Variants in MSL1 observed in about 807,000 individuals in gnomAD.
MSL1 encodes the protein male-specific lethal 1 homolog.
A neutral mutation model predicts 64.6 loss-of-function variants in MSL1; 21 were observed. The observed-to-expected ratio is 0.33, with a 90% CI of 0.23 to 0.47. MSL1 has a LOEUF of 0.47. Among genes scored for constraint, MSL1 ranks in the 20% least tolerant of loss-of-function variants. MSL1 has a pLI of 1.00. For missense variants in MSL1, 664 were observed against 793.2 expected (o/e 0.84, Z 1.96); for synonymous variants, 339 against 329.6 (o/e 1.03, Z -0.31).
At chr17:40,133,329 A>G in intron 6 of MSL1, 1 of 757,838 alleles carries the variant, frequency 1.3e-6, no homozygotes, top group Non-Finnish European at 2.1e-6. Context: ...CCTCAATTCT[A>G]CTTTCTGTGG....
intron 5 of MSL1, among the ~76,000 whole-genome samples, 174 bp downstream of exon 5, chr17:40,132,272 G>C (rs1988451788): frequency 6.6e-6 from 1 of 152,184 alleles, no homozygotes; most frequent in African/African-American, 2.4e-5. Flanking sequence ...AACAGGTCTA[G>C]AGTAGTTAAG....
At position 40,131,592 on chromosome 17, in the gene MSL1, G is replaced by A; in HGVS notation, c.1423+8G>A. 1.2e-6 allele frequency: 2 copies of A among 1,613,508 alleles called. No homozygotes were observed. The highest frequency in any genetic ancestry group is 1.7e-5 in the Admixed American group (1 of 60,012). On this transcript the variant is annotated splice_region_variant and intron_variant, in intron 4 of 8. Transcript: ENST00000398532. The surrounding 1 kb of genome is among the most constrained non-coding windows in gnomAD (Gnocchi z 4.5). ...AAACTTCAGTCTTGGCTGGTGAGTAGAATAGGAATTGTGCTGGCTGGGCCT... is the reference window on the plus strand; with the variant it reads ...AAACTTCAGTCTTGGCTGGTGAGTAAAATAGGAATTGTGCTGGCTGGGCCT...
intron 1 of MSL1, 113 bp from the exon 2 acceptor site, chr17:40,126,070 G>A: frequency 2.3e-6 from 2 of 859,584 alleles, no homozygotes; most frequent in Non-Finnish European, 3.7e-6. Flanking sequence ...AAGTTGAGTT[G>A]ATGTGGTCCA....
chr17:40,130,048 T>C (rs1988408958), intron 3 of MSL1: 1 of 153,934 alleles, frequency 6.5e-6, no homozygotes, highest in Admixed American at 6.5e-5. Flanking sequence ...CAGGGGCCAA[T>C]GGTAATTTTT....
chr17:40,128,532 G>A (rs1271611365), intron 2 of MSL1, among the ~76,000 whole-genome samples: 2 of 151,044 alleles, frequency 1.3e-5, no homozygotes, highest in Middle Eastern at 3.2e-3. Context: ...GTGCCACCAC[G>A]CCTGACTAAT....
rs1988525579 is a variant in MSL1 at position 40,135,655 on chromosome 17, A to G, written c.*1286A>G. 6.6e-6 allele frequency: 1 copy of G among 152,460 alleles called. No individual in the cohort carries two copies. The highest frequency in any genetic ancestry group is 1.9e-4 in the East Asian group (1 of 5,334). 9.4% of individuals were successfully genotyped at this position (152,460 alleles called of 1,614,324 possible). ...ATGTAGGGTGTGTGGCTGGCCCATC[A>G]GTGGAGCACGAAGAGAGAATGGGAT... On this transcript the variant is annotated 3_prime_UTR_variant, in exon 9 of 9. Coordinates refer to ENST00000398532, the MANE Select transcript of MSL1 (RefSeq NM_001365919.1).
chr17:40,132,980 A>G, intron 5 of MSL1, 62 bp from the exon 6 acceptor site: 1 of 1,451,438 alleles, frequency 6.9e-7, no homozygotes, highest in Non-Finnish European at 9.5e-7. Flanking sequence ...GAAATTAGTT[A>G]GTATATGTGT....
Position 40,126,224 on chromosome 17 carries a change from G to C in MSL1, c.810G>C (p.Leu270=). The change falls in exon 2 of 9, where the codon CTG becomes CTC. Residue 270 remains leucine, a synonymous_variant. Transcript: ENST00000398532. ...RIERMERRMQ[L]VKKDNEKERH... is the part of the protein sequence containing the mutation. Reference sequence around the variant, plus strand: ...AACGTATGGAAAGGCGGATGCAGCTGGTAAAGAAGGATAACGAGAAAGAAA... The same window carrying C: ...AACGTATGGAAAGGCGGATGCAGCTCGTAAAGAAGGATAACGAGAAAGAAA... 1.9e-6 allele frequency: 3 copies of C among 1,613,960 alleles called. No homozygotes were observed. The highest frequency in any genetic ancestry group is 2.5e-6 in the Non-Finnish European group (3 of 1,179,894).
At chr17:40,134,140 C>T in intron 8 of MSL1, 139 bp from the exon 9 acceptor site, 2 of 746,318 alleles carry the variant, frequency 2.7e-6, no homozygotes, top group South Asian at 1.7e-5. Context: ...GTTGCTCTGG[C>T]TTTGAGGCAG....
chr17:40,127,339 G>GAAAAAAAAA (rs66944924), intron 2 of MSL1, among the ~76,000 whole-genome samples: 4 of 97,634 alleles, frequency 4.1e-5, no homozygotes, highest in Non-Finnish European at 2.2e-5. Flanking sequence ...TGTCTCAATT[G>GAAAAAAAAA]AAAAAAAAAA....
Position 40,131,605 on chromosome 17 carries a change from G to A in MSL1, c.1423+21G>A, listed in dbSNP as rs781010445. On this transcript the variant is annotated intron_variant, in intron 4 of 8. Transcript: ENST00000398532. The surrounding 1 kb of genome is among the most constrained non-coding windows in gnomAD (Gnocchi z 4.5). ...GGCTGGTGAGTAGAATAGGAATTGT[G>A]CTGGCTGGGCCTGGGGTGGGGGTTG... 1 of 1,612,952 alleles carries A rather than the reference G, an allele frequency of 6.2e-7. No homozygotes were observed. Among genetic ancestry groups the A allele is most frequent in the East Asian group, 2.2e-5 (1 of 44,876 alleles).
chr17:40,123,755 G>A (rs1988249780), intron 1 of MSL1, among the ~76,000 whole-genome samples: 1 of 152,196 alleles, frequency 6.6e-6, no homozygotes, highest in Non-Finnish European at 1.5e-5. Flanking sequence ...AAGAGCTATT[G>A]CGTTAGAAAT....
rs1184330142 is a variant in MSL1, at chr17:40,122,648, G to GGCCCCT, written c.40_45dup (p.Pro14_Ala15dup). On this transcript the variant is annotated inframe_insertion, in exon 1 of 9. Transcript: ENST00000398532. This position sits in a 1 kb window ranked among gnomAD's most constrained non-coding sequence, Gnocchi z 4.2. The stretch of plus-strand genomic sequence containing the variant: ...GATCCGCGGTGTTCAAGGCGGCCGC[G>GGCCCCT]GCCCCTGCCGGCGGCAATCCTGAGC... 1 of 1,490,380 alleles carries GGCCCCT rather than the reference G, an allele frequency of 6.7e-7. No individual in the cohort carries two copies. Among genetic ancestry groups the GGCCCCT allele is most frequent in the Non-Finnish European group, 8.9e-7 (1 of 1,127,416 alleles). The allele number at this position is 1,490,380 out of a possible 1,614,324, so 92.3% of individuals were successfully genotyped here. A position where few individuals can be genotyped will look rare whatever the true frequency, so the allele number is the denominator to read the frequency against.
rs1988442668 is a variant in MSL1 at position 40,131,792 on chromosome 17, G to A, written c.1423+208G>A. 1.6e-6 allele frequency: 1 copy of A among 630,002 alleles called. No individual in the cohort carries two copies. Among genetic ancestry groups the A allele is most frequent in the South Asian group, 1.9e-5 (1 of 51,638 alleles). 39.0% of individuals were successfully genotyped at this position (630,002 alleles called of 1,614,324 possible). A position where few individuals can be genotyped will look rare whatever the true frequency, so the allele number is the denominator to read the frequency against. Reference sequence around the variant, plus strand: ...ATAGCATCATTATATGAATTGTCAGGTATTGGTTTAGGGTTTTTGTGATCC... The same window carrying A: ...ATAGCATCATTATATGAATTGTCAGATATTGGTTTAGGGTTTTTGTGATCC... On this transcript the variant is annotated intron_variant, in intron 4 of 8. Transcript: ENST00000398532. The surrounding 1 kb of genome is among the most constrained non-coding windows in gnomAD (Gnocchi z 4.5).
chr17:40,134,359 G>A lies in MSL1; in HGVS notation c.1835G>A (p.Cys612Tyr). 1 of 1,554,464 alleles carries A rather than the reference G, an allele frequency of 6.4e-7. No homozygotes were observed. Among genetic ancestry groups the A allele is most frequent in the East Asian group, 2.4e-5 (1 of 41,264 alleles). The change falls in exon 9 of 9, where the codon TGT (cysteine) becomes TAT (tyrosine). Residue 612 changes from cysteine (C) to tyrosine (Y), a missense_variant. Transcript: ENST00000398532. ...AAGAAGCAAACACCTCACCGGACGT[G>A]TAGGAAATAGCTGTGCTGGCAAGAA... is the stretch of plus-strand genomic sequence containing the variant. ...IQKKQTPHRT[C>Y]RK is the part of the protein sequence containing the mutation.
At position 40,123,157 on chromosome 17, in the gene MSL1, C is replaced by T; in HGVS notation, c.545C>T (p.Pro182Leu). Residue 182 changes from proline (P) to leucine (L), a missense_variant, in exon 1 of 9, where the codon CCC (proline) becomes CTC (leucine). By Grantham distance (98) the Pro-to-Leu change is moderately conservative (BLOSUM62 -3). Transcript: ENST00000398532. ...CCACTACCTCTGCCCGGGCCGCCAC[C>T]CCTCGCGCCCACCGCCACCGCCGGG... ...PPPLPLPGPPPLAPTATAGTL... is the reference protein window; with the variant it reads ...PPPLPLPGPPLLAPTATAGTL... 3.9e-6 allele frequency: 6 copies of T among 1,534,150 alleles called. No homozygotes were observed. The highest frequency in any genetic ancestry group is 5.2e-6 in the Non-Finnish European group (6 of 1,146,154).
chr17:40,129,171 C>T, intron 2 of MSL1, 74 bp from the exon 3 acceptor site: 2 of 1,279,972 alleles, frequency 1.6e-6, no homozygotes, highest in Non-Finnish European at 2.1e-6. Context: ...TATTCTTTTG[C>T]TCCAGAATGT....
chr17:40,121,983 G>T lies in MSL1; in HGVS notation c.-630G>T, dbSNP rs970127885. The stretch of plus-strand genomic sequence containing the variant: ...CCCCTCCCCGCGCATGCGTCCTCCG[G>T]TTGGCGGCGGCTGCGGCGGTGGCGG... On this transcript the variant is annotated 5_prime_UTR_variant, in exon 1 of 9. Coordinates refer to ENST00000398532, the MANE Select transcript of MSL1 (RefSeq NM_001365919.1). Among the ~76,000 whole-genome samples the T allele has an allele frequency of 6.6e-6, 1 of 152,052 alleles. No individual in the cohort carries two copies. The highest frequency in any genetic ancestry group is 2.4e-5 in the African/African-American group (1 of 41,404).
At chr17:40,133,336 G>A in intron 6 of MSL1, 198 bp from the exon 7 acceptor site, 2 of 776,076 alleles carry the variant, frequency 2.6e-6, no homozygotes, top group Non-Finnish European at 4.0e-6. Flanking sequence ...TCTACTTTCT[G>A]TGGAACACCA....
Sources: gnomAD v4.1 joint callset for allele counts (sites outside exome capture counted in the v4.1 genomes callset) on GRCh38, gnomAD v4.1.1 for gene constraint, Gnocchi (gnomAD v3.1) non-coding constraint, MANE v1.5 for transcripts, NCBI Gene and HGNC (gene_info 2026-07-23, HGNC 2026-07-21) for gene names.